Variants in UBR1 observed in about 807,000 individuals in gnomAD.
The protein encoded by UBR1 is ubiquitin protein ligase E3 component n-recognin 1.
UBR1 carries 102 observed loss-of-function variants against 242.1 expected under a neutral mutation model. The ratio of observed to expected loss-of-function variants is 0.42; its 90% CI spans 0.36 to 0.50. The LOEUF is 0.50. Among genes scored for constraint, UBR1 ranks in the 20% least tolerant of loss-of-function variants. UBR1 has a pLI of 0.01. For missense variants in UBR1, 1,772 were observed against 2,101.8 expected, an observed-to-expected ratio of 0.84 and a Z score of 3.07; for synonymous variants, 675 against 684.8, an observed-to-expected ratio of 0.99 and a Z score of 0.22.
At chr15:42,968,211 A>C (rs1323486938) in intron 40 of UBR1, among the ~76,000 whole-genome samples, 1 of 152,092 alleles carries the variant, frequency 6.6e-6, no homozygotes, top group Non-Finnish European at 1.5e-5. Flanking sequence ...CTATGCTTCC[A>C]GAACAGTTTA....
chr15:42,992,930 C>T (rs2032578198), intron 33 of UBR1, among the ~76,000 whole-genome samples: 1 of 152,232 alleles, frequency 6.6e-6, no homozygotes, highest in African/African-American at 2.4e-5. Context: ...CTCCTTTTCC[C>T]AGTTCCTCAC....
intron 10 of UBR1, among the ~76,000 whole-genome samples, chr15:43,057,847 G>C (rs1377788780): frequency 6.6e-6 from 1 of 151,874 alleles, no homozygotes; most frequent in Non-Finnish European, 1.5e-5. Context: ...TCTTCTCTAA[G>C]AATGCTGTTT....
At chr15:43,046,409 C>T (rs908835696) in intron 14 of UBR1, among the ~76,000 whole-genome samples, 8 of 152,036 alleles carry the variant, frequency 5.3e-5, no homozygotes, top group Non-Finnish European at 1.0e-4. Flanking sequence ...TAAAAATAAG[C>T]GAGTCCTGTG....
chr15:43,079,381 A>G (rs2033947010), intron 3 of UBR1, among the ~76,000 whole-genome samples: 1 of 152,226 alleles, frequency 6.6e-6, no homozygotes, highest in Admixed American at 6.5e-5. Flanking sequence ...CTTTCTGCAA[A>G]TAAAAGAACA....
intron 6 of UBR1, among the ~76,000 whole-genome samples, chr15:43,060,941 GAAA>G (rs11302662): frequency 4.0e-5 from 5 of 125,208 alleles, no homozygotes; most frequent in Middle Eastern, 3.6e-3. Flanking sequence ...TGCCATTACA[GAAA>G]AAAAAAAAAA....
chr15:42,945,862 A>G (rs1040134208), intron 46 of UBR1, among the ~76,000 whole-genome samples: 2 of 152,364 alleles, frequency 1.3e-5, no homozygotes, highest in Middle Eastern at 3.4e-3. Flanking sequence ...GGCCTGACGT[A>G]TAACACTAGG....
chr15:43,044,481 C>T (rs2033459083), intron 14 of UBR1, among the ~76,000 whole-genome samples: 1 of 152,068 alleles, frequency 6.6e-6, no homozygotes, highest in African/African-American at 2.4e-5. Context: ...CATTAAAGAC[C>T]ATTCTTTTAA....
At chr15:43,081,401 C>T in intron 3 of UBR1, among the ~76,000 whole-genome samples, 1 of 104,366 alleles carries the variant, frequency 9.6e-6, no homozygotes, top group African/African-American at 3.7e-5. Context: ...TGGGAAATAA[C>T]AGCGACACCC....
rs1596141019 is a variant in UBR1 at position 43,092,173 on chromosome 15, T to C, written c.82-5933A>G. 4 of 321,256 alleles carry C rather than the reference T, an allele frequency of 1.2e-5. No individual in the cohort carries two copies. The East Asian group carries it at 3.0e-4, about 24-fold the overall frequency. 19.9% of individuals were successfully genotyped at this position (321,256 alleles called of 1,614,324 possible). On this transcript the variant is annotated intron_variant, in intron 1 of 46. Transcript: ENST00000290650. The stretch of plus-strand genomic sequence containing the variant: ...ATACCCTCTCCATCAGTCTCACTAC[T>C]AGCTCTCTGTCCCTCCACCCCCACA...
chr15:42,964,821 C>A (rs2032079538), intron 41 of UBR1, among the ~76,000 whole-genome samples: 1 of 152,196 alleles, frequency 6.6e-6, no homozygotes, highest in Non-Finnish European at 1.5e-5. Context: ...CAACTCAACC[C>A]CCTCTATGTA....
chr15:42,974,760 C>G (rs779028830), intron 39 of UBR1, among the ~76,000 whole-genome samples: 1 of 152,122 alleles, frequency 6.6e-6, no homozygotes, highest in Non-Finnish European at 1.5e-5. Flanking sequence ...AGGCATGTGC[C>G]ACCATGCCCA....
intron 6 of UBR1, among the ~76,000 whole-genome samples, chr15:43,067,224 T>C (rs929677672): frequency 3.9e-5 from 6 of 152,202 alleles, no homozygotes; most frequent in Admixed American, 3.3e-4. Flanking sequence ...CGTACCCTTT[T>C]GTTTTTTTTT....
intron 19 of UBR1, 63 bp downstream of exon 19, chr15:43,036,115 T>C (rs934409086): frequency 1.5e-6 from 2 of 1,373,146 alleles, no homozygotes; most frequent in Non-Finnish European, 2.1e-6. Flanking sequence ...TGAAATAAAA[T>C]ATGACTGAAA....
chr15:42,996,873 G>A (rs2032649023), intron 33 of UBR1, among the ~76,000 whole-genome samples: 1 of 152,090 alleles, frequency 6.6e-6, no homozygotes, highest in Non-Finnish European at 1.5e-5. Flanking sequence ...TATTTTCTAG[G>A]TATGGTTTTC....
chr15:43,036,693 C>T, intron 17 of UBR1, 100 bp from the exon 18 acceptor site: 1 of 787,044 alleles, frequency 1.3e-6, no homozygotes, highest in Admixed American at 2.4e-5. Flanking sequence ...AGCTAGAAAC[C>T]CCTCAAAATC....
intron 19 of UBR1, among the ~76,000 whole-genome samples, chr15:43,035,425 C>A (rs1234361307): frequency 6.6e-6 from 1 of 152,046 alleles, no homozygotes; most frequent in African/African-American, 2.4e-5. Context: ...AATATGTCTT[C>A]TTTTGAGAAG....
At chr15:43,093,524 T>C (rs1485658374) in intron 1 of UBR1, among the ~76,000 whole-genome samples, 1 of 152,152 alleles carries the variant, frequency 6.6e-6, no homozygotes, top group Non-Finnish European at 1.5e-5. Flanking sequence ...CTCATGCCTA[T>C]AACCCTAGCC....
intron 6 of UBR1, among the ~76,000 whole-genome samples, chr15:43,064,747 T>C (rs1311756632): frequency 6.6e-6 from 1 of 152,124 alleles, no homozygotes; most frequent in African/African-American, 2.4e-5. Flanking sequence ...CAGCTAATTT[T>C]GTATTTTTAG....
At chr15:43,000,890 A>G (rs2141284174) in intron 32 of UBR1, among the ~76,000 whole-genome samples, 1 of 152,186 alleles carries the variant, frequency 6.6e-6, no homozygotes, top group South Asian at 2.1e-4. Context: ...CTGGAGTGCA[A>G]TGGTATGGTC....
Sources: allele counts gnomAD v4.1 joint callset (sites outside exome capture counted in the v4.1 genomes callset), GRCh38; gene constraint gnomAD v4.1.1; transcripts MANE v1.5; gene names NCBI Gene and HGNC (gene_info 2026-07-23, HGNC 2026-07-21).